Variants in GOLT1A observed in about 807,000 individuals in gnomAD.
GOLT1A encodes the protein golgi transport 1A, also known as vesicle transport protein GOT1A.
GOLT1A carries 10 observed loss-of-function variants against 16.1 expected under a neutral mutation model. The ratio of observed to expected loss-of-function variants is 0.62; its 90% CI spans 0.38 to 1.05. The LOEUF (loss-of-function observed/expected upper bound fraction) is 1.05, where lower values mean the gene tolerates loss of function less well. GOLT1A is among the 50% of genes least tolerant of loss of function. The pLI is 0.01. For missense variants in GOLT1A, 137 were observed against 165.7 expected (o/e 0.83, Z 0.95); for synonymous variants, 60 against 67.9 (o/e 0.88, Z 0.57).
At chr1:204,207,116 C>A (rs1265392437) in intron 1 of GOLT1A, among the ~76,000 whole-genome samples, 1 of 152,224 alleles carries the variant, frequency 6.6e-6, no homozygotes, top group African/African-American at 2.4e-5. Context: ...AGTTATCCAG[C>A]CAGAGGTTAC....
chr1:204,210,590 A>G (rs1659123179), intron 1 of GOLT1A, among the ~76,000 whole-genome samples: 1 of 151,996 alleles, frequency 6.6e-6, no homozygotes. Flanking sequence ...TGCCCAGCTA[A>G]TTTTTTAAAA....
chr1:204,198,571 C>T (rs915025875), intron 4 of GOLT1A, 75 bp from the exon 5 acceptor site: 41 of 1,408,056 alleles, frequency 2.9e-5, no homozygotes, highest in Non-Finnish European at 3.8e-5. Context: ...ACAGAGCTGG[C>T]CTTGAGAGCC....
rs146255661 is a variant in GOLT1A, at chr1:204,202,917, G to A, written c.96C>T (p.Ser32=). ...TCACGTTTCCAAAGGCCAGGAGCACGGAATCAAAGTACAGGAGTGTTCCAA... is the reference window on the plus strand; with the variant it reads ...TCACGTTTCCAAAGGCCAGGAGCACAGAATCAAAGTACAGGAGTGTTCCAA... ...ILFGTLLYFD[S]VLLAFGNLLF... The change falls in exon 2 of 5, where the codon TCC becomes TCT. Residue 32 remains serine, a synonymous_variant. Coordinates refer to ENST00000308302, the MANE Select transcript of GOLT1A (RefSeq NM_198447.2). 67 of 1,613,922 alleles carry A rather than the reference G, an allele frequency of 4.2e-5. No individual in the cohort carries two copies. Among genetic ancestry groups the A allele is most frequent in the African/African-American group, 3.5e-4 (26 of 74,884 alleles).
chr1:204,203,774 C>G (rs1011748520), intron 1 of GOLT1A, among the ~76,000 whole-genome samples: 3 of 151,930 alleles, frequency 2.0e-5, no homozygotes, highest in Non-Finnish European at 1.5e-5. Context: ...TGGACCCACA[C>G]TGACAATGAG....
Position 204,200,299 on chromosome 1 carries a change from G to GTGTGTGTA in GOLT1A, c.297-1042_297-1041insTACACACA. Among the ~76,000 whole-genome samples the GTGTGTGTA allele has an allele frequency of 1.6e-4, 13 of 82,676 alleles. 1 individual carries two copies. The highest frequency in any genetic ancestry group is 5.9e-3 in the Middle Eastern group (1 of 170). The allele number at this position is 82,676 out of a possible 152,430, so 54.2% of individuals were successfully genotyped here. The stretch of plus-strand genomic sequence containing the variant: ...GACTGTTTGAAAATGACATATATGT[G>GTGTGTGTA]TATATATATATATATATATATGTTT... On this transcript the variant is annotated intron_variant, in intron 3 of 4. Coordinates refer to ENST00000308302, the MANE Select transcript of GOLT1A (RefSeq NM_198447.2).
chr1:204,209,551 T>C (rs764842976), intron 1 of GOLT1A, among the ~76,000 whole-genome samples: 5 of 152,248 alleles, frequency 3.3e-5, no homozygotes, highest in Non-Finnish European at 7.3e-5. Context: ...TAGTGATTGA[T>C]AGTGTAATGA....
chr1:204,202,250 C>G (rs1007917602), intron 2 of GOLT1A, among the ~76,000 whole-genome samples: 3 of 151,430 alleles, frequency 2.0e-5, no homozygotes, highest in African/African-American at 4.9e-5. Context: ...CAGTCCCTCC[C>G]CTGGATGCCC....
chr1:204,200,299 G>GTGTGTGTGTGTA lies in GOLT1A; in HGVS notation c.297-1042_297-1041insTACACACACACA. Among the ~76,000 whole-genome samples, 27 of 82,672 alleles carry GTGTGTGTGTGTA rather than the reference G, an allele frequency of 3.3e-4. 2 individuals are homozygous for GTGTGTGTGTGTA. Among genetic ancestry groups the GTGTGTGTGTGTA allele is most frequent in the African/African-American group, 1.4e-3 (26 of 18,056 alleles). The allele number at this position is 82,672 out of a possible 152,430, so 54.2% of individuals were successfully genotyped here. A position where few individuals can be genotyped will look rare whatever the true frequency, so the allele number is the denominator to read the frequency against. On this transcript the variant is annotated intron_variant, in intron 3 of 4. Coordinates refer to ENST00000308302, the MANE Select transcript of GOLT1A (RefSeq NM_198447.2). ...GACTGTTTGAAAATGACATATATGTGTATATATATATATATATATATGTTT... is the reference window on the plus strand; with the variant it reads ...GACTGTTTGAAAATGACATATATGTGTGTGTGTGTGTATATATATATATATATATATATGTTT...
At chr1:204,203,345 C>T (rs990025444) in intron 1 of GOLT1A, among the ~76,000 whole-genome samples, 2 of 152,198 alleles carry the variant, frequency 1.3e-5, no homozygotes, top group South Asian at 4.1e-4. Flanking sequence ...ATAGCATCTG[C>T]TGCCTCTGCT....
chr1:204,201,269 TGG>T (rs1658952691), intron 3 of GOLT1A, among the ~76,000 whole-genome samples: 1 of 152,142 alleles, frequency 6.6e-6, no homozygotes, highest in African/African-American at 2.4e-5. Context: ...AATCCTATAG[TGG>T]GTTGTTGTGA....
chr1:204,200,299 G>GTGTATGTATA, intron 3 of GOLT1A, among the ~76,000 whole-genome samples: 1 of 82,684 alleles, frequency 1.2e-5, no homozygotes, highest in African/African-American at 5.5e-5. Context: ...ACATATATGT[G>GTGTATGTATA]TATATATATA....
intron 1 of GOLT1A, among the ~76,000 whole-genome samples, chr1:204,208,684 A>G (rs146283210): frequency 2.2e-3 from 334 of 151,872 alleles, no homozygotes; most frequent in African/African-American, 7.5e-3. Context: ...GAATGATACA[A>G]TAGACTTTGG....
At chr1:204,202,826 AC>A in intron 2 of GOLT1A, 69 bp downstream of exon 2, 19 of 1,077,200 alleles carry the variant, frequency 1.8e-5, no homozygotes, top group Non-Finnish European at 2.7e-5. Flanking sequence ...TATTGCCAGG[AC>A]TATCCTGGCA....
At position 204,207,215 on chromosome 1, in the gene GOLT1A, C is replaced by G. The variant is rs374999518; in HGVS notation, c.26-4228G>C. 5.3e-5 allele frequency among the ~76,000 whole-genome samples: 8 copies of G among 152,296 alleles called. No individual in the cohort carries two copies. In the East Asian group the frequency reaches 1.4e-3, roughly 26 times the overall value. On this transcript the variant is annotated intron_variant, in intron 1 of 4. Coordinates refer to ENST00000308302, the MANE Select transcript of GOLT1A (RefSeq NM_198447.2). Reference sequence around the variant, plus strand: ...GATGCCCCCAGGAGTGACAGGTGTGCCTGCCCGGCACGGTCCCCGTGATCC... The same window carrying G: ...GATGCCCCCAGGAGTGACAGGTGTGGCTGCCCGGCACGGTCCCCGTGATCC...
At chr1:204,211,747 G>A (rs745627688) in intron 1 of GOLT1A, among the ~76,000 whole-genome samples, 4 of 152,154 alleles carry the variant, frequency 2.6e-5, no homozygotes, top group Non-Finnish European at 4.4e-5. Flanking sequence ...GGGTGGGGAA[G>A]CGGGGTGCGG....
At chr1:204,199,130 C>G in intron 4 of GOLT1A, 65 bp downstream of exon 4, 1 of 1,394,282 alleles carries the variant, frequency 7.2e-7, no homozygotes, top group Non-Finnish European at 1.0e-6. Flanking sequence ...TTACCAGCTC[C>G]CCTCCGTGTG....
At chr1:204,202,486 C>T (rs540473993) in intron 2 of GOLT1A, among the ~76,000 whole-genome samples, 1 of 152,114 alleles carries the variant, frequency 6.6e-6, no homozygotes, top group Admixed American at 6.5e-5. Flanking sequence ...GCCCTCTTTC[C>T]ACTAAGCCCC....
chr1:204,208,476 G>GTGTATATATATA (rs1286299770), intron 1 of GOLT1A, among the ~76,000 whole-genome samples: 57 of 39,914 alleles, frequency 1.4e-3, no homozygotes, highest in African/African-American at 4.0e-3. Context: ...GTGTGTGTGT[G>GTGTATATATATA]TATATATATA....
chr1:204,207,627 G>C (rs1181248800), intron 1 of GOLT1A, among the ~76,000 whole-genome samples: 3 of 152,218 alleles, frequency 2.0e-5, no homozygotes, highest in Non-Finnish European at 2.9e-5. Context: ...TCATGGAGCA[G>C]GCAGATGAGT....
Sources: allele counts gnomAD v4.1 joint callset (sites outside exome capture counted in the v4.1 genomes callset), GRCh38; gene constraint gnomAD v4.1.1; transcripts MANE v1.5; gene names NCBI Gene and HGNC (gene_info 2026-07-23, HGNC 2026-07-21).